The following CSTPP1 variants were observed in gnomAD, a reference collection of about 807,000 sequenced individuals.
CSTPP1 encodes the protein centriolar satellite-associated tubulin polyglutamylase complex regulator 1.
At chr11:46,976,534 C>T in the CSTPP1 span, among the ~76,000 whole-genome samples, 2 of 152,136 alleles carry the variant, frequency 1.3e-5, no homozygotes. Context: ...GTTACAGAAC[C>T]TCCCTAAGCT....
the CSTPP1 span, among the ~76,000 whole-genome samples, chr11:47,158,511 C>A: frequency 6.6e-6 from 1 of 152,078 alleles, no homozygotes; most frequent in Non-Finnish European, 1.5e-5. Context: ...CAGTAAGCCT[C>A]CATTCTACTA....
At chr11:47,109,582 TGTCA>T in the CSTPP1 span, among the ~76,000 whole-genome samples, 2 of 152,212 alleles carry the variant, frequency 1.3e-5, no homozygotes, top group Non-Finnish European at 2.9e-5. Flanking sequence ...TGCTAAATCC[TGTCA>T]GTCGGTGACT....
chr11:47,013,041 T>C, the CSTPP1 span, among the ~76,000 whole-genome samples: 2 of 147,268 alleles, frequency 1.4e-5, no homozygotes, highest in African/African-American at 4.9e-5. Context: ...TATAATAATA[T>C]GTTATTATAT....
the CSTPP1 span, chr11:47,052,751 C>T: frequency 9.2e-6 from 4 of 433,916 alleles, no homozygotes; most frequent in Non-Finnish European, 1.6e-5. Context: ...CCACTACCAT[C>T]ACTAATGGTA....
the CSTPP1 span, among the ~76,000 whole-genome samples, chr11:47,047,444 A>G: frequency 1.3e-5 from 2 of 152,342 alleles, no homozygotes; most frequent in African/African-American, 4.8e-5. Flanking sequence ...CTTTACATAT[A>G]TGGTCATTTG....
the CSTPP1 span, among the ~76,000 whole-genome samples, chr11:47,054,636 G>GGTGATATCTGAGCTC: frequency 6.6e-6 from 1 of 152,106 alleles, no homozygotes; most frequent in Non-Finnish European, 1.5e-5. Context: ...AGAGTGGTGT[G>GGTGATATCTGAGCTC]GTGATATCTG....
chr11:46,998,568 CT>C, the CSTPP1 span, among the ~76,000 whole-genome samples: 20 of 150,968 alleles, frequency 1.3e-4, no homozygotes, highest in Non-Finnish European at 2.8e-4. Flanking sequence ...TTTGGGTTTT[CT>C]TTTTTTTTGA....
the CSTPP1 span, among the ~76,000 whole-genome samples, chr11:46,959,577 A>G: frequency 2.9e-4 from 44 of 152,142 alleles, no homozygotes; most frequent in African/African-American, 1.1e-3. Flanking sequence ...TTCCATTTTT[A>G]CCTTTACTTA....
the CSTPP1 span, among the ~76,000 whole-genome samples, chr11:46,955,988 C>CA: frequency 4.1e-4 from 4 of 9,644 alleles, no homozygotes; most frequent in South Asian, 4.1e-3. Context: ...CTCCATCCAC[C>CA]CCCCCCCCCC....
the CSTPP1 span, among the ~76,000 whole-genome samples, chr11:47,056,121 C>A: frequency 6.6e-6 from 1 of 152,174 alleles, no homozygotes; most frequent in Non-Finnish European, 1.5e-5. Flanking sequence ...ATAATCAAGG[C>A]CTACATTAGT....
the CSTPP1 span, among the ~76,000 whole-genome samples, chr11:47,022,460 C>T: frequency 3.0e-5 from 4 of 134,312 alleles, no homozygotes; most frequent in Non-Finnish European, 6.2e-5. Context: ...ACCTCTGCCT[C>T]CTGGGTTCAG....
chr11:47,086,113 G>T, the CSTPP1 span, among the ~76,000 whole-genome samples: 1 of 151,604 alleles, frequency 6.6e-6, no homozygotes, highest in African/African-American at 2.4e-5. Flanking sequence ...AAGAGGCCTG[G>T]CACAGTGGCT....
chr11:47,145,840 T>G, the CSTPP1 span, among the ~76,000 whole-genome samples: 4 of 152,164 alleles, frequency 2.6e-5, no homozygotes, highest in Non-Finnish European at 5.9e-5. Flanking sequence ...CTTGCTGTGT[T>G]GCTCAGGCTG....
At chr11:46,968,405 T>C in the CSTPP1 span, among the ~76,000 whole-genome samples, 2 of 146,926 alleles carry the variant, frequency 1.4e-5, no homozygotes, top group Non-Finnish European at 3.0e-5. Context: ...AAATAATATA[T>C]TTAATATATT....
the CSTPP1 span, among the ~76,000 whole-genome samples, chr11:47,039,287 G>A: frequency 7.8e-6 from 1 of 127,932 alleles, no homozygotes; most frequent in African/African-American, 2.5e-5. Context: ...GATCACTCGC[G>A]GTTAGGAGCT....
At chr11:47,103,394 T>G in the CSTPP1 span, among the ~76,000 whole-genome samples, 3 of 113,878 alleles carry the variant, frequency 2.6e-5, no homozygotes, top group Non-Finnish European at 4.4e-5. Context: ...AGCAAGACCC[T>G]GTCTCAAAAA....
At chr11:47,146,027 G>A in the CSTPP1 span, among the ~76,000 whole-genome samples, 2 of 152,040 alleles carry the variant, frequency 1.3e-5, no homozygotes, top group African/African-American at 4.8e-5. Context: ...GGGACTACAG[G>A]TGCACACCAC....
chr11:46,980,973 G>A, the CSTPP1 span, among the ~76,000 whole-genome samples: 2 of 152,076 alleles, frequency 1.3e-5, no homozygotes, highest in African/African-American at 4.8e-5. Flanking sequence ...TGTGTAAATT[G>A]GAATAACTAA....
the CSTPP1 span, chr11:46,936,941 G>C: frequency 8.0e-7 from 1 of 1,248,638 alleles, no homozygotes. Flanking sequence ...GTCTGAGTGG[G>C]ATCGGGTCCG....
Sources: allele counts gnomAD v4.1 joint callset (sites outside exome capture counted in the v4.1 genomes callset), GRCh38; gene constraint gnomAD v4.1.1; transcripts MANE v1.5; gene names NCBI Gene and HGNC (gene_info 2026-07-23, HGNC 2026-07-21).